The following NPAS3 variants were observed in gnomAD, a reference collection of about 807,000 sequenced individuals.
NPAS3 encodes the protein neuronal PAS domain protein 3, also known as neuronal PAS domain-containing protein 3.
In NPAS3, 14 loss-of-function variants were observed where a neutral mutation model predicts 73.1. The observed-to-expected ratio is 0.19, with a 90% CI of 0.13 to 0.30. NPAS3 has a LOEUF of 0.30. Among genes scored for constraint, NPAS3 ranks in the 10% least tolerant of loss-of-function variants. The pLI is 1.00. For synonymous variants in NPAS3, 620 were observed against 541.5 expected (o/e 1.14, Z -2.01); for missense variants, 1,096 against 1,250.0 (o/e 0.88, Z 1.86).
At chr14:33,745,348 A>G (rs1189295017) in intron 7 of NPAS3, among the ~76,000 whole-genome samples, 1 of 152,228 alleles carries the variant, frequency 6.6e-6, no homozygotes, top group Non-Finnish European at 1.5e-5. Context: ...AAATTACTCT[A>G]CTGAAGAGTG....
Position 33,412,274 on chromosome 14 carries a change from A to G in NPAS3, c.468+45006A>G, listed in dbSNP as rs532115590. Among the ~76,000 whole-genome samples the G allele has an allele frequency of 1.1e-4, 16 of 151,780 alleles. No homozygotes were observed. The East Asian group carries it at 3.1e-3, about 30-fold the overall frequency. On this transcript the variant is annotated intron_variant, in intron 4 of 11. Transcript: ENST00000356141. ...GCTGGGACTACAGGTGTGAACCACC[A>G]CTCCCGGCTAAATTTTTGTATTTTT...
intron 4 of NPAS3, among the ~76,000 whole-genome samples, 163 bp from the exon 5 acceptor site, chr14:33,559,958 C>T (rs1338324362): frequency 1.3e-5 from 2 of 149,208 alleles, no homozygotes; most frequent in African/African-American, 2.5e-5. Context: ...TGCAGTGAGC[C>T]GAGATTGTGC....
intron 2 of NPAS3, among the ~76,000 whole-genome samples, chr14:33,061,969 A>C (rs2138580705): frequency 6.6e-6 from 1 of 152,270 alleles, no homozygotes. Context: ...GTTTGGGCTA[A>C]AAGGCATTTC....
intron 6 of NPAS3, among the ~76,000 whole-genome samples, chr14:33,692,132 G>A (rs954657693): frequency 3.9e-5 from 6 of 152,172 alleles, no homozygotes; most frequent in Non-Finnish European, 7.3e-5. Flanking sequence ...TGATGAATGC[G>A]TGGGCGGAGG....
intron 9 of NPAS3, among the ~76,000 whole-genome samples, chr14:33,789,651 G>T (rs111840139): frequency 1.5e-5 from 2 of 131,164 alleles, no homozygotes; most frequent in East Asian, 2.4e-4. Flanking sequence ...TGCAGTGGCG[G>T]GATCTCGGCT....
At chr14:33,431,109 A>G (rs983241040) in intron 4 of NPAS3, among the ~76,000 whole-genome samples, 1 of 152,228 alleles carries the variant, frequency 6.6e-6, no homozygotes, top group Non-Finnish European at 1.5e-5. Context: ...TCTGGGTTCC[A>G]TTAGAGTGGT....
chr14:33,789,320 C>A (rs1393627302), intron 9 of NPAS3, among the ~76,000 whole-genome samples: 1 of 152,120 alleles, frequency 6.6e-6, no homozygotes, highest in East Asian at 1.9e-4. Context: ...TGGGATGGTG[C>A]CAACAAGAGC....
chr14:33,528,511 C>T (rs1289197707), intron 4 of NPAS3, among the ~76,000 whole-genome samples: 1 of 151,896 alleles, frequency 6.6e-6, no homozygotes, highest in African/African-American at 2.4e-5. Context: ...AGTGGTCGTC[C>T]TAATGTGTCT....
chr14:33,340,662 G>C (rs77039532), intron 3 of NPAS3, among the ~76,000 whole-genome samples: 2,007 of 152,254 alleles, frequency 0.013, 42 homozygotes, highest in African/African-American at 0.046. Context: ...TTTTCTGAAA[G>C]TTCTAAATTT....
intron 9 of NPAS3, among the ~76,000 whole-genome samples, chr14:33,788,798 C>G (rs977906589): frequency 6.6e-6 from 1 of 152,118 alleles, no homozygotes; most frequent in Admixed American, 6.5e-5. Flanking sequence ...TGAAATCCCT[C>G]TGTTGGTAAC....
intron 3 of NPAS3, among the ~76,000 whole-genome samples, chr14:33,310,563 C>T (rs997751411): frequency 4.6e-5 from 7 of 152,142 alleles, no homozygotes; most frequent in Admixed American, 6.5e-5. Context: ...GCATATTTCA[C>T]CCTGTTGTTA....
intron 4 of NPAS3, among the ~76,000 whole-genome samples, chr14:33,512,740 T>C (rs2053117022): frequency 6.6e-6 from 1 of 152,046 alleles, no homozygotes; most frequent in East Asian, 1.9e-4. Flanking sequence ...CTCTGTGGCT[T>C]GGCAAGGAAT....
Position 33,451,516 on chromosome 14 carries a change from T to G in NPAS3, c.468+84248T>G, listed in dbSNP as rs56016516. Among the ~76,000 whole-genome samples, 1,269 of 152,334 alleles carry G rather than the reference T, an allele frequency of 8.3e-3. 4 individuals carry two copies. Among genetic ancestry groups the G allele is most frequent in the Non-Finnish European group, 0.013 (908 of 68,024 alleles). The stretch of plus-strand genomic sequence containing the variant: ...CTTGGTGTCCAGAAACTGTTACTAT[T>G]TATTTTCCTCTCTCTCGATCATTTT... On this transcript the variant is annotated intron_variant, in intron 4 of 11. Transcript: ENST00000356141.
chr14:33,114,298 A>G lies in NPAS3; in HGVS notation c.140+58304A>G, dbSNP rs1439227036. On this transcript the variant is annotated intron_variant, in intron 2 of 11. Coordinates refer to ENST00000356141, the Ensembl canonical transcript of NPAS3. ...GATCCACCCCCCTTTGGCCTCCCAC[A>G]TTGCTGGGATTATAGGCGTGAACTA... Among the ~76,000 whole-genome samples the G allele has an allele frequency of 2.0e-5, 3 of 152,114 alleles. No homozygotes were observed. In the East Asian group the frequency reaches 5.8e-4, roughly 29 times the overall value.
chr14:33,700,219 C>G (rs1430969617), intron 6 of NPAS3, among the ~76,000 whole-genome samples: 1 of 151,948 alleles, frequency 6.6e-6, no homozygotes, highest in Non-Finnish European at 1.5e-5. Flanking sequence ...GTTTTATATC[C>G]CTGTTCAGAA....
intron 2 of NPAS3, among the ~76,000 whole-genome samples, chr14:33,171,966 A>T (rs1938761085): frequency 6.6e-6 from 1 of 152,106 alleles, no homozygotes; most frequent in South Asian, 2.1e-4. Flanking sequence ...AGAATAGGGA[A>T]TCCTGAGGAG....
rs140270853 is a variant in NPAS3 at position 33,686,205 on chromosome 14, C to T, written c.733+9820C>T. Among the ~76,000 whole-genome samples, 56 of 152,286 alleles carry T rather than the reference C, an allele frequency of 3.7e-4. No individual in the cohort carries two copies. In the East Asian group the frequency reaches 0.01, roughly 28 times the overall value. The stretch of plus-strand genomic sequence containing the variant: ...AGGTGATCTCCCAGGAGACTCATCC[C>T]AGCAGCACAGTGGGAGTGAGCATGC... On this transcript the variant is annotated intron_variant, in intron 6 of 11. Transcript: ENST00000356141.
chr14:33,566,952 T>C (rs1292199934), intron 5 of NPAS3, among the ~76,000 whole-genome samples: 6 of 152,262 alleles, frequency 3.9e-5, no homozygotes, highest in Non-Finnish European at 8.8e-5. Flanking sequence ...AGAGATTTGA[T>C]AGAATCCACA....
At chr14:33,786,245 T>C (rs933452261) in intron 9 of NPAS3, among the ~76,000 whole-genome samples, 3 of 152,242 alleles carry the variant, frequency 2.0e-5, no homozygotes, top group Admixed American at 1.3e-4. Context: ...GAAGAATCTA[T>C]GTTTTCACAA....
Sources: allele counts gnomAD v4.1 joint callset (sites outside exome capture counted in the v4.1 genomes callset), GRCh38; gene constraint gnomAD v4.1.1; transcripts MANE v1.5; gene names NCBI Gene and HGNC (gene_info 2026-07-23, HGNC 2026-07-21).